SLA: variants seen among roughly 807,000 people sequenced by gnomAD.
The protein encoded by SLA is Src like adaptor.
A neutral mutation model predicts 30.3 loss-of-function variants in SLA; 16 were observed. That is an observed-to-expected ratio of 0.53 (90% confidence interval 0.36 to 0.80). The LOEUF (loss-of-function observed/expected upper bound fraction) is 0.80, where lower values mean the gene tolerates loss of function less well. Among genes scored for constraint, SLA ranks in the 30% least tolerant of loss-of-function variants. The probability of loss-of-function intolerance (pLI) is 0.01; values close to 1 mark genes in which losing one functional copy is unlikely to be tolerated. For synonymous variants in SLA, 143 were observed against 137.8 expected (o/e 1.04, Z -0.26); for missense variants, 310 against 345.2 (o/e 0.90, Z 0.81).
intron 2 of SLA, among the ~76,000 whole-genome samples, chr8:133,065,416 G>C (rs1044205994): frequency 2.0e-5 from 3 of 152,214 alleles, no homozygotes; most frequent in Admixed American, 2.0e-4. Flanking sequence ...GCTGTCCTCT[G>C]ACAGAAAAGA....
chr8:133,057,767 C>CAAA (rs1259442790), intron 3 of SLA, among the ~76,000 whole-genome samples: 1 of 91,680 alleles, frequency 1.1e-5, no homozygotes, highest in African/African-American at 3.5e-5. Context: ...TTTAGCAAAA[C>CAAA]AAAAAACAAA....
At chr8:133,062,055 A>G (rs1215139907) in intron 2 of SLA, among the ~76,000 whole-genome samples, 4 of 152,246 alleles carry the variant, frequency 2.6e-5, no homozygotes, top group African/African-American at 4.8e-5. Flanking sequence ...CTATAAACTC[A>G]TAGTGCACCA....
chr8:133,076,706 C>A (rs929072486), intron 1 of SLA: 13 of 137,854 alleles, frequency 9.4e-5, no homozygotes, highest in Admixed American at 7.7e-4. Flanking sequence ...CCTGTCATTT[C>A]TTTAGTAAAA....
At chr8:133,096,349 C>G (rs919539827) in intron 1 of SLA, 6 of 1,614,194 alleles carry the variant, frequency 3.7e-6, no homozygotes, top group Non-Finnish European at 4.2e-6. Flanking sequence ...ACGACGGGCT[C>G]ATCAACAGAG....
intron 2 of SLA, among the ~76,000 whole-genome samples, chr8:133,066,963 T>C (rs1197423599): frequency 6.6e-6 from 1 of 152,078 alleles, no homozygotes; most frequent in Non-Finnish European, 1.5e-5. Flanking sequence ...GGGGAAAGGG[T>C]TGGGCTGAAC....
intron 8 of SLA, among the ~76,000 whole-genome samples, 156 bp downstream of exon 8, chr8:133,039,842 T>TG (rs1837826526): frequency 6.6e-6 from 1 of 152,136 alleles, no homozygotes; most frequent in South Asian, 2.1e-4. Context: ...TCTACACTTG[T>TG]GGGGGGTGCT....
chr8:133,079,798 A>G (rs1452278251), intron 1 of SLA, among the ~76,000 whole-genome samples: 1 of 152,182 alleles, frequency 6.6e-6, no homozygotes, highest in Non-Finnish European at 1.5e-5. Context: ...TTCATTTGGT[A>G]GAGAAGTTCA....
At chr8:133,100,178 A>G (rs1379227929) in intron 1 of SLA, among the ~76,000 whole-genome samples, 1 of 152,132 alleles carries the variant, frequency 6.6e-6, no homozygotes, top group Non-Finnish European at 1.5e-5. Flanking sequence ...GGGTCCTGGT[A>G]CTTGCTGTTT....
intron 3 of SLA, 105 bp downstream of exon 3, chr8:133,059,995 C>A (rs1842130231): frequency 3.6e-6 from 4 of 1,123,050 alleles, no homozygotes; most frequent in East Asian, 2.6e-5. Context: ...CCCTTCGGTA[C>A]CCATTGCCCC....
intron 1 of SLA, among the ~76,000 whole-genome samples, chr8:133,084,584 G>A (rs1846235140): frequency 6.6e-6 from 1 of 152,188 alleles, no homozygotes; most frequent in Admixed American, 6.5e-5. Flanking sequence ...GGTGACAGAG[G>A]CAATTAGGCT....
chr8:133,095,080 CA>C lies in SLA; in HGVS notation c.-319+7472del. On this transcript the variant is annotated intron_variant, in intron 1 of 8. Coordinates refer to ENST00000338087, the MANE Select transcript of SLA (RefSeq NM_001045556.3). Reference sequence around the variant, plus strand: ...ACTCTCCCCGGCCGCCGTCATCAGCCATGAGAGGGCTCAGCAGCAGGCAATT... The same window carrying C: ...ACTCTCCCCGGCCGCCGTCATCAGCCTGAGAGGGCTCAGCAGCAGGCAATT... 1 of 1,614,162 alleles carries C rather than the reference CA, an allele frequency of 6.2e-7. No individual in the cohort carries two copies. Among genetic ancestry groups the C allele is most frequent in the Non-Finnish European group, 8.5e-7 (1 of 1,180,040 alleles).
At chr8:133,062,710 G>T (rs1371825490) in intron 2 of SLA, among the ~76,000 whole-genome samples, 1 of 152,032 alleles carries the variant, frequency 6.6e-6, no homozygotes, top group Non-Finnish European at 1.5e-5. Flanking sequence ...CACGCACAGG[G>T]TGTCGTACAC....
At chr8:133,089,816 T>TGCCCACTCCCCCTCGGAATGGTC (rs1847210792) in intron 1 of SLA, among the ~76,000 whole-genome samples, 1 of 152,156 alleles carries the variant, frequency 6.6e-6, no homozygotes, top group Non-Finnish European at 1.5e-5. Context: ...CTGCCATCCC[T>TGCCCACTCCCCCTCGGAATGGTC]GCCCACTCCC....
At chr8:133,050,441 A>ATT (rs1246263042) in intron 4 of SLA, 1 of 243,810 alleles carries the variant, frequency 4.1e-6, no homozygotes, top group East Asian at 9.1e-5. Context: ...GAGAAGGCAA[A>ATT]TTTTTGTTTT....
intron 7 of SLA, among the ~76,000 whole-genome samples, chr8:133,041,240 G>C (rs1838170144): frequency 6.6e-6 from 1 of 152,212 alleles, no homozygotes; most frequent in African/African-American, 2.4e-5. Flanking sequence ...GTTTTCGACA[G>C]CACGTCACAC....
chr8:133,050,032 G>T, intron 4 of SLA, 44 bp from the exon 5 acceptor site: 1 of 1,265,076 alleles, frequency 7.9e-7, no homozygotes, highest in Non-Finnish European at 1.2e-6. Context: ...TAGGTAAATA[G>T]CAAAACCAAA....
chr8:133,045,177 A>C, intron 6 of SLA, 62 bp from the exon 7 acceptor site: 19 of 1,590,752 alleles, frequency 1.2e-5, no homozygotes, highest in Non-Finnish European at 1.6e-5. Flanking sequence ...GCACCCAGCT[A>C]ACCAGCCCAC....
intron 7 of SLA, among the ~76,000 whole-genome samples, chr8:133,043,952 T>C (rs1838806433): frequency 6.6e-6 from 1 of 152,184 alleles, no homozygotes; most frequent in African/African-American, 2.4e-5. Context: ...TGGGTAAAAG[T>C]GGCTGGCATT....
chr8:133,075,315 G>C lies in SLA; in HGVS notation c.-318-185C>G, dbSNP rs73346752. 8.4e-3 allele frequency among the ~76,000 whole-genome samples: 1,279 copies of C among 152,264 alleles called. 24 individuals carry two copies. Among genetic ancestry groups the C allele is most frequent in the African/African-American group, 0.028 (1,180 of 41,528 alleles). On this transcript the variant is annotated intron_variant, in intron 1 of 8. Coordinates refer to ENST00000338087, the MANE Select transcript of SLA (RefSeq NM_001045556.3). ...CTGGGCCCACGAAGGCTGTGGCTAA[G>C]AGCTGCAGCTTCTCTGATTTCGGTT...
Sources: allele counts gnomAD v4.1 joint callset (sites outside exome capture counted in the v4.1 genomes callset), GRCh38; gene constraint gnomAD v4.1.1; transcripts MANE v1.5; gene names NCBI Gene and HGNC (gene_info 2026-07-23, HGNC 2026-07-21).